The following LRMDA variants were observed in gnomAD, a reference collection of about 807,000 sequenced individuals.
The protein encoded by LRMDA is leucine rich melanocyte differentiation associated, also known as leucine-rich melanocyte differentiation-associated protein.
A neutral mutation model predicts 29.8 loss-of-function variants in LRMDA; 18 were observed. The observed-to-expected ratio is 0.60, with a 90% CI of 0.42 to 0.90. LRMDA has a LOEUF of 0.90. LRMDA is among the 40% of genes least tolerant of loss of function. The pLI, the probability that LRMDA is intolerant of heterozygous loss-of-function variation, is 0.00. For synonymous variants in LRMDA, 125 were observed against 109.4 expected (o/e 1.14, Z -0.89); for missense variants, 273 against 273.9 (o/e 1.00, Z 0.02).
At chr10:75,794,852 A>G (rs1297476724) in intron 2 of LRMDA, among the ~76,000 whole-genome samples, 1 of 151,952 alleles carries the variant, frequency 6.6e-6, no homozygotes, top group Non-Finnish European at 1.5e-5. Context: ...ATTTATTTCA[A>G]ATTTTTCTTC....
intron 2 of LRMDA, among the ~76,000 whole-genome samples, chr10:76,011,874 C>T (rs538617504): frequency 6.6e-6 from 1 of 152,286 alleles, no homozygotes; most frequent in East Asian, 1.9e-4. Flanking sequence ...TCCCATGTCT[C>T]CAGATTGCAT....
At chr10:75,537,728 T>C (rs1839966634) in intron 2 of LRMDA, among the ~76,000 whole-genome samples, 1 of 152,192 alleles carries the variant, frequency 6.6e-6, no homozygotes, top group African/African-American at 2.4e-5. Flanking sequence ...GAGTACCTCT[T>C]GGGTCCAGGG....
At chr10:76,218,273 T>G (rs1308468986) in intron 5 of LRMDA, among the ~76,000 whole-genome samples, 1 of 152,182 alleles carries the variant, frequency 6.6e-6, no homozygotes. Flanking sequence ...GCCCGAACAG[T>G]GCCATTAGTG....
intron 5 of LRMDA, among the ~76,000 whole-genome samples, chr10:76,309,531 T>C (rs1840603806): frequency 6.6e-6 from 1 of 152,104 alleles, no homozygotes; most frequent in Admixed American, 6.5e-5. Flanking sequence ...TAAAGCGAAA[T>C]GTGAAGAGGA....
At chr10:75,582,415 G>T (rs1694108581) in intron 2 of LRMDA, among the ~76,000 whole-genome samples, 1 of 152,206 alleles carries the variant, frequency 6.6e-6, no homozygotes, top group Admixed American at 6.5e-5. Context: ...AAGGCTTATG[G>T]CTTGCGGCCT....
chr10:76,534,097 G>A lies in LRMDA; in HGVS notation c.602-23112G>A, dbSNP rs569697919. 2.0e-5 allele frequency among the ~76,000 whole-genome samples: 3 copies of A among 152,238 alleles called. No homozygotes were observed. The East Asian group carries it at 5.8e-4, about 29-fold the overall frequency. ...AGGCACTAATATAGTATTATGTTTG[G>A]TACATAGTTGGCCCATAACTCACAG... On this transcript the variant is annotated intron_variant, in intron 6 of 6. Coordinates refer to ENST00000611255, the MANE Select transcript of LRMDA (RefSeq NM_001305581.2).
chr10:76,290,457 T>A (rs1421059682), intron 5 of LRMDA, among the ~76,000 whole-genome samples: 16 of 146,006 alleles, frequency 1.1e-4, no homozygotes, highest in Non-Finnish European at 1.6e-4. Context: ...CTCACTCTGT[T>A]GCCCAGGCTG....
chr10:76,233,176 A>G (rs1191033604), intron 5 of LRMDA, among the ~76,000 whole-genome samples: 1 of 152,246 alleles, frequency 6.6e-6, no homozygotes, highest in East Asian at 1.9e-4. Flanking sequence ...CACTATCAAG[A>G]CTGCCCCAAT....
At chr10:76,104,627 C>T (rs922027683) in intron 5 of LRMDA, among the ~76,000 whole-genome samples, 8 of 152,104 alleles carry the variant, frequency 5.3e-5, no homozygotes, top group African/African-American at 1.7e-4. Flanking sequence ...TCAGTGTCCC[C>T]GGGGTTCCTT....
chr10:76,464,845 ATATGC>A (rs1013542932), intron 6 of LRMDA: 5 of 152,248 alleles, frequency 3.3e-5, no homozygotes, highest in Non-Finnish European at 2.9e-5. Flanking sequence ...GCTCATATAC[ATATGC>A]TTGATTATAT....
At chr10:75,995,136 C>G (rs1847438936) in intron 2 of LRMDA, among the ~76,000 whole-genome samples, 1 of 152,168 alleles carries the variant, frequency 6.6e-6, no homozygotes, top group African/African-American at 2.4e-5. Context: ...TGAGACATAT[C>G]TGCTGAGCTT....
intron 2 of LRMDA, among the ~76,000 whole-genome samples, chr10:75,897,082 T>G (rs77101656): frequency 0.03 from 4,642 of 152,258 alleles, 129 homozygotes; most frequent in South Asian, 0.081. Flanking sequence ...AAAGCTGAAA[T>G]GTATTCAACA....
At chr10:75,838,943 G>A (rs1032946856) in intron 2 of LRMDA, among the ~76,000 whole-genome samples, 2 of 152,170 alleles carry the variant, frequency 1.3e-5, no homozygotes, top group East Asian at 3.9e-4. Flanking sequence ...GATATGGCCA[G>A]TGGCAATCCA....
At chr10:75,968,774 G>A (rs1439718435) in intron 2 of LRMDA, among the ~76,000 whole-genome samples, 1 of 152,156 alleles carries the variant, frequency 6.6e-6, no homozygotes, top group African/African-American at 2.4e-5. Flanking sequence ...ATCTTTTGGA[G>A]GGTGAATTAG....
intron 2 of LRMDA, among the ~76,000 whole-genome samples, chr10:75,882,244 A>T (rs1554831677): frequency 2.6e-5 from 4 of 152,106 alleles, no homozygotes; most frequent in Non-Finnish European, 4.4e-5. Context: ...CAGGAATCTT[A>T]TTTTTTTTAA....
intron 2 of LRMDA, among the ~76,000 whole-genome samples, chr10:75,883,984 G>A (rs538577052): frequency 2.6e-5 from 4 of 151,844 alleles, no homozygotes; most frequent in African/African-American, 4.8e-5. Context: ...TTGTTAAATC[G>A]GAGGCATAAG....
intron 2 of LRMDA, among the ~76,000 whole-genome samples, chr10:75,950,648 G>A (rs1846558114): frequency 6.6e-6 from 1 of 152,186 alleles, no homozygotes; most frequent in African/African-American, 2.4e-5. Flanking sequence ...GTCCTCTTCG[G>A]GGACTTGTTA....
intron 2 of LRMDA, among the ~76,000 whole-genome samples, chr10:75,910,758 G>A (rs1845829089): frequency 6.6e-6 from 1 of 152,106 alleles, no homozygotes; most frequent in Non-Finnish European, 1.5e-5. Context: ...TCATAGCCAG[G>A]CCAAGTTCAT....
intron 6 of LRMDA, among the ~76,000 whole-genome samples, chr10:76,468,391 T>C (rs1404950475): frequency 1.3e-5 from 2 of 152,238 alleles, no homozygotes; most frequent in African/African-American, 2.4e-5. Context: ...CTGGCAAGTT[T>C]TGAGGCTTGC....
Sources: allele counts gnomAD v4.1 joint callset (sites outside exome capture counted in the v4.1 genomes callset), GRCh38; gene constraint gnomAD v4.1.1; transcripts MANE v1.5; gene names NCBI Gene and HGNC (gene_info 2026-07-23, HGNC 2026-07-21).